ADH1C: variants seen among roughly 807,000 people sequenced by gnomAD.
The protein encoded by ADH1C is alcohol dehydrogenase 1C (class I), gamma polypeptide.
A neutral mutation model predicts 35.0 loss-of-function variants in ADH1C; 26 were observed. That is an observed-to-expected ratio of 0.74 (90% CI 0.54 to 1.03). ADH1C has a LOEUF of 1.03. Among genes scored for constraint, ADH1C ranks in the 50% least tolerant of loss-of-function variants. The probability of loss-of-function intolerance (pLI) is 0.00; values close to 1 mark genes in which losing one functional copy is unlikely to be tolerated. For missense variants in ADH1C, 413 were observed against 465.4 expected, an observed-to-expected ratio of 0.89 and a Z score of 1.04; for synonymous variants, 170 against 169.3, an observed-to-expected ratio of 1.00 and a Z score of -0.03.
intron 1 of ADH1C, among the ~76,000 whole-genome samples, chr4:99,351,688 C>T (rs890299048): frequency 2.6e-5 from 4 of 152,148 alleles, no homozygotes; most frequent in Non-Finnish European, 5.9e-5. Context: ...TGACATGAGC[C>T]TGTTTTGTCG....
chr4:99,345,892 T>C (rs2110659810), intron 3 of ADH1C, among the ~76,000 whole-genome samples: 1 of 152,354 alleles, frequency 6.6e-6, no homozygotes, highest in Middle Eastern at 3.4e-3. Context: ...CACAACAAGT[T>C]AGACACTTTC....
Position 99,341,730 on chromosome 4 carries a change from G to A in ADH1C, c.829-1020C>T, listed in dbSNP as rs190909351. The stretch of plus-strand genomic sequence containing the variant: ...TAGGAGTCTAGATAATTCTGGATAG[G>A]TAAAATATAGCTAGAGATATGTTTC... On this transcript the variant is annotated intron_variant, in intron 6 of 8. Coordinates refer to ENST00000515683, the MANE Select transcript of ADH1C (RefSeq NM_000669.5). Among the ~76,000 whole-genome samples, 231 of 152,132 alleles carry A rather than the reference G, an allele frequency of 1.5e-3. 1 individual carries two copies. Among genetic ancestry groups the A allele is most frequent in the African/African-American group, 5.5e-3 (228 of 41,486 alleles).
chr4:99,350,638 T>C (rs903883586), intron 1 of ADH1C, among the ~76,000 whole-genome samples: 1 of 152,230 alleles, frequency 6.6e-6, no homozygotes, highest in African/African-American at 2.4e-5. Context: ...ATCCACTCGT[T>C]GGTTGATGGG....
At chr4:99,337,183 A>G (rs980321000) in intron 8 of ADH1C, among the ~76,000 whole-genome samples, 5 of 152,074 alleles carry the variant, frequency 3.3e-5, no homozygotes, top group South Asian at 2.1e-4. Flanking sequence ...CTAAACAATG[A>G]CGATAGGAAG....
At chr4:99,347,246 A>C in intron 2 of ADH1C, 102 bp from the exon 3 acceptor site, 1 of 1,434,934 alleles carries the variant, frequency 7.0e-7, no homozygotes, top group Non-Finnish European at 9.4e-7. Flanking sequence ...AAATATTCTC[A>C]AGGGTTTTGC....
intron 8 of ADH1C, 69 bp from the exon 9 acceptor site, chr4:99,336,845 AG>A (rs2110650665): frequency 1.2e-6 from 2 of 1,603,734 alleles, no homozygotes; most frequent in East Asian, 4.5e-5. Context: ...TGATAGTCCA[AG>A]GAGTATTTGA....
Position 99,336,501 on chromosome 4 carries a change from T to G in ADH1C, c.*251A>C. The G allele has an allele frequency of 1.8e-6, 1 of 552,010 alleles. No individual in the cohort carries two copies. Among genetic ancestry groups the G allele is most frequent in the Non-Finnish European group, 3.2e-6 (1 of 310,968 alleles). 34.2% of individuals were successfully genotyped at this position (552,010 alleles called of 1,614,324 possible). ...AAAGATGGCACACAAGTTGAATGGT[T>G]AAGAAGGAAGGTTTATTGGCTTCAA... On this transcript the variant is annotated 3_prime_UTR_variant, in exon 9 of 9. Transcript: ENST00000515683.
intron 1 of ADH1C, among the ~76,000 whole-genome samples, chr4:99,350,139 A>C (rs1415298663): frequency 6.6e-6 from 1 of 152,234 alleles, no homozygotes; most frequent in Non-Finnish European, 1.5e-5. Flanking sequence ...TCCATGCCAA[A>C]ATAAATATCA....
At chr4:99,345,587 T>C (rs1209880210) in intron 3 of ADH1C, among the ~76,000 whole-genome samples, 1 of 152,262 alleles carries the variant, frequency 6.6e-6, no homozygotes, top group Non-Finnish European at 1.5e-5. Context: ...ATTTATGTAA[T>C]CCTTGTCTAA....
At chr4:99,346,382 T>C (rs1449073252) in intron 3 of ADH1C, among the ~76,000 whole-genome samples, 3 of 152,220 alleles carry the variant, frequency 2.0e-5, no homozygotes, top group African/African-American at 7.2e-5. Flanking sequence ...CATTTAAGCA[T>C]GGCCAAAGGT....
At chr4:99,345,362 C>T (rs1734509132) in intron 3 of ADH1C, 96 bp from the exon 4 acceptor site, 1 of 1,266,582 alleles carries the variant, frequency 7.9e-7, no homozygotes, top group African/African-American at 1.5e-5. Flanking sequence ...AATTATGTGT[C>T]TGAAAAGTTT....
intron 8 of ADH1C, among the ~76,000 whole-genome samples, chr4:99,337,419 G>C (rs1734302834): frequency 6.6e-6 from 1 of 152,026 alleles, no homozygotes; most frequent in African/African-American, 2.4e-5. Flanking sequence ...GATGTTTAAG[G>C]ATTCTTAGAA....
intron 3 of ADH1C, among the ~76,000 whole-genome samples, 165 bp from the exon 4 acceptor site, chr4:99,345,431 TTTTTAGTTTGGG>T (rs1734510754): frequency 6.6e-6 from 1 of 152,238 alleles, no homozygotes; most frequent in African/African-American, 2.4e-5. Flanking sequence ...AAGGCATTGT[TTTTTAGTTTGGG>T]TTTATAAGTG....
chr4:99,351,150 A>G (rs1734668613), intron 1 of ADH1C: 1 of 152,122 alleles, frequency 6.6e-6, no homozygotes, highest in African/African-American at 2.4e-5. Flanking sequence ...CAAAAAAACG[A>G]ATGAAAAAAT....
At position 99,339,691 on chromosome 4, in the gene ADH1C, G is replaced by C; in HGVS notation, c.989C>G (p.Pro330Arg). 6.2e-7 allele frequency: 1 copy of C among 1,611,436 alleles called. No homozygotes were observed. The highest frequency in any genetic ancestry group is 8.5e-7 in the Non-Finnish European group (1 of 1,179,000). ...AGCCATAAAGTCAGCCACAAGTTTGGGGACAGATTCTTTACTCTTAAAGCC... is the reference window on the plus strand; with the variant it reads ...AGCCATAAAGTCAGCCACAAGTTTGCGGACAGATTCTTTACTCTTAAAGCC... ...FGGFKSKESV[P>R]KLVADFMAKK... Residue 330 changes from proline (P) to arginine (R), a missense_variant, in exon 8 of 9, where the codon CCC becomes CGC. Physicochemically the swap from Pro to Arg is moderately radical, Grantham distance 103. Coordinates refer to ENST00000515683, the MANE Select transcript of ADH1C (RefSeq NM_000669.5).
In ADH1C at chr4:99,336,758, C is replaced by A; in HGVS notation, c.1122G>T (p.Thr374=). 6.2e-7 allele frequency: 1 copy of A among 1,613,700 alleles called. No individual in the cohort carries two copies. The highest frequency in any genetic ancestry group is 8.5e-7 in the Non-Finnish European group (1 of 1,179,738). Residue 374 remains threonine, a synonymous_variant, in exon 9 of 9, where the codon ACG becomes ACT. Coordinates refer to ENST00000515683, the MANE Select transcript of ADH1C (RefSeq NM_000669.5). The stretch of plus-strand genomic sequence containing the variant: ...GGAAGGCATCTGTATTGTTTCAAAA[C>A]GTCAGGACGGTACGGATACTGCAAT... ...RSGKSIRTVL[T]F
intron 8 of ADH1C, among the ~76,000 whole-genome samples, chr4:99,339,298 C>G (rs532583446): frequency 6.6e-6 from 1 of 152,146 alleles, no homozygotes; most frequent in African/African-American, 2.4e-5. Flanking sequence ...AGTGAGTGTT[C>G]TCTTTTAAAG....
intron 8 of ADH1C, 133 bp from the exon 9 acceptor site, chr4:99,336,909 A>G (rs770257462): frequency 6.4e-5 from 81 of 1,270,430 alleles, no homozygotes; most frequent in Non-Finnish European, 8.6e-5. Flanking sequence ...TCCCATCCCT[A>G]TGCATTTGGG....
intron 6 of ADH1C, among the ~76,000 whole-genome samples, chr4:99,342,019 A>AT (rs1462970395): frequency 2.3e-4 from 35 of 151,504 alleles, no homozygotes; most frequent in African/African-American, 6.0e-4. Context: ...TCAAAAAAAA[A>AT]AAAAAAATAA....
Sources: allele counts gnomAD v4.1 joint callset (sites outside exome capture counted in the v4.1 genomes callset), GRCh38; gene constraint gnomAD v4.1.1; transcripts MANE v1.5; gene names NCBI Gene and HGNC (gene_info 2026-07-23, HGNC 2026-07-21).